Variants in PCDHA9 observed in about 807,000 individuals in gnomAD.
The protein encoded by PCDHA9 is protocadherin alpha-9.
In PCDHA9, 62 loss-of-function variants were observed where a neutral mutation model predicts 62.0. That is an observed-to-expected ratio of 1.00 (90% CI 0.81 to 1.23). PCDHA9 has a LOEUF of 1.23. Ranked by LOEUF, PCDHA9 falls within the 50% of genes most tolerant of loss-of-function variation. The pLI is 0.00. For synonymous variants in PCDHA9, 557 were observed against 567.6 expected (o/e 0.98, Z 0.27); for missense variants, 1,205 against 1,249.8 (o/e 0.96, Z 0.54).
intron 1 of PCDHA9, among the ~76,000 whole-genome samples, chr5:140,915,115 A>T (rs2076990702): frequency 1.3e-5 from 2 of 151,346 alleles, no homozygotes; most frequent in African/African-American, 4.9e-5. Context: ...CACCCACCTA[A>T]TTTTTATATT....
intron 1 of PCDHA9, among the ~76,000 whole-genome samples, chr5:140,916,018 T>C (rs550604062): frequency 6.6e-6 from 1 of 152,254 alleles, no homozygotes; most frequent in East Asian, 1.9e-4. Flanking sequence ...ACAAAGTCTT[T>C]CCCATTCTTC....
chr5:140,985,084 T>A (rs2097135513), intron 3 of PCDHA9, among the ~76,000 whole-genome samples: 1 of 151,986 alleles, frequency 6.6e-6, no homozygotes. Context: ...ACTACAGGCG[T>A]GTGCCACCAA....
At chr5:140,916,379 C>G (rs180755548) in intron 1 of PCDHA9, among the ~76,000 whole-genome samples, 2 of 152,302 alleles carry the variant, frequency 1.3e-5, no homozygotes, top group Admixed American at 6.5e-5. Context: ...GTAGCCACCA[C>G]AACTAGGAAT....
At chr5:140,897,009 A>G (rs550757061) in intron 1 of PCDHA9, among the ~76,000 whole-genome samples, 6 of 152,292 alleles carry the variant, frequency 3.9e-5, no homozygotes, top group African/African-American at 9.6e-5. Context: ...ATTTTTAAAT[A>G]TACAACTAAA....
At chr5:140,876,814 G>T (rs571648883) in intron 1 of PCDHA9, 1 of 1,614,226 alleles carries the variant, frequency 6.2e-7, no homozygotes, top group Non-Finnish European at 8.5e-7. Context: ...GGTGGCCGAC[G>T]TGAACGACAA....
At chr5:140,876,662 T>C in intron 1 of PCDHA9, 1 of 1,614,232 alleles carries the variant, frequency 6.2e-7, no homozygotes, top group Non-Finnish European at 8.5e-7. Flanking sequence ...CCCTTCAAGC[T>C]GGTGTCCACC....
At chr5:140,985,491 G>C (rs1288786153) in intron 3 of PCDHA9, among the ~76,000 whole-genome samples, 3 of 152,166 alleles carry the variant, frequency 2.0e-5, no homozygotes, top group African/African-American at 7.2e-5. Flanking sequence ...GACTCAAATA[G>C]AGCCTGCCTT....
At chr5:140,978,896 G>T in intron 1 of PCDHA9, 53 bp from the exon 2 acceptor site, 1 of 1,612,808 alleles carries the variant, frequency 6.2e-7, no homozygotes, top group South Asian at 1.1e-5. Context: ...CAGCATTCCT[G>T]GGAGAACATT....
At chr5:140,907,746 T>G (rs1240884837) in intron 1 of PCDHA9, among the ~76,000 whole-genome samples, 3 of 152,302 alleles carry the variant, frequency 2.0e-5, no homozygotes, top group African/African-American at 7.2e-5. Context: ...ATGGCCACTT[T>G]GTTCATGGGC....
rs1350835757 is a variant in PCDHA9, at chr5:141,010,856, A to G, written c.*919A>G. Reference sequence around the variant, plus strand: ...CATAGATTTATTTAAAAAAAGAGAAAGTCTATAGCTATAAATCTTTAAAGA... The same window carrying G: ...CATAGATTTATTTAAAAAAAGAGAAGGTCTATAGCTATAAATCTTTAAAGA... On this transcript the variant is annotated 3_prime_UTR_variant, in exon 4 of 4. Coordinates refer to ENST00000532602, the MANE Select transcript of PCDHA9 (RefSeq NM_031857.2). The G allele has an allele frequency of 1.3e-5, 2 of 153,800 alleles. No homozygotes were observed. Among genetic ancestry groups the G allele is most frequent in the African/African-American group, 2.4e-5 (1 of 41,464 alleles). The allele number at this position is 153,800 out of a possible 1,614,324, so 9.5% of individuals were successfully genotyped here. A position where few individuals can be genotyped will look rare whatever the true frequency, so the allele number is the denominator to read the frequency against.
chr5:140,854,169 A>AAAAAG, intron 1 of PCDHA9: 1 of 675,122 alleles, frequency 1.5e-6, no homozygotes, highest in South Asian at 6.4e-5. Flanking sequence ...CAAAAAAAAA[A>AAAAAG]AAAAAAAGAG....
chr5:140,889,329 T>C (rs1554183865), intron 1 of PCDHA9, among the ~76,000 whole-genome samples: 2 of 152,090 alleles, frequency 1.3e-5, no homozygotes, highest in Admixed American at 6.5e-5. Context: ...GTATCAGGAT[T>C]TTGATTGGTG....
At position 140,982,439 on chromosome 5, in the gene PCDHA9, G is replaced by A. The variant is rs553328430; in HGVS notation, c.2454-36G>A. The A allele has an allele frequency of 6.8e-5, 109 of 1,613,560 alleles. 3 individuals carry two copies. In the South Asian group the frequency reaches 1.0e-3, roughly 15 times the overall value. On this transcript the variant is annotated intron_variant, in intron 2 of 3. Transcript: ENST00000532602. ...GAAGAAGAGATGGGAAAGAATTTAT[G>A]ATCTAACCGTTATCTGGGTCTGTGT... is the stretch of plus-strand genomic sequence containing the variant.
intron 1 of PCDHA9, among the ~76,000 whole-genome samples, chr5:140,907,242 T>A (rs532344223): frequency 6.6e-6 from 1 of 152,328 alleles, no homozygotes; most frequent in African/African-American, 2.4e-5. Flanking sequence ...TAGTTGACAT[T>A]GTAATTGTGA....
At chr5:141,007,306 T>C (rs1050571899) in intron 3 of PCDHA9, among the ~76,000 whole-genome samples, 8 of 151,500 alleles carry the variant, frequency 5.3e-5, no homozygotes, top group Admixed American at 3.3e-4. Context: ...ATCTTAGCAT[T>C]TTGGGAGGCT....
intron 1 of PCDHA9, among the ~76,000 whole-genome samples, chr5:140,945,574 G>C (rs2153670366): frequency 6.6e-6 from 1 of 151,978 alleles, no homozygotes; most frequent in Middle Eastern, 3.4e-3. Context: ...ATACTACCTG[G>C]CTTCAAAATA....
At chr5:140,857,712 T>C (rs781941638) in intron 1 of PCDHA9, 3 of 1,597,298 alleles carry the variant, frequency 1.9e-6, no homozygotes, top group Admixed American at 1.7e-5. Context: ...GTGTTCGTGC[T>C]GGACGAGAAC....
intron 1 of PCDHA9, chr5:140,969,111 G>A (rs1554231464): frequency 4.3e-6 from 7 of 1,614,116 alleles, no homozygotes; most frequent in Non-Finnish European, 5.9e-6. Flanking sequence ...ATTGAAGTTC[G>A]AGGGAATGGC....
intron 1 of PCDHA9, chr5:140,870,136 A>G: frequency 6.2e-7 from 1 of 1,614,024 alleles, no homozygotes; most frequent in Non-Finnish European, 8.5e-7. Flanking sequence ...CACCAACGAT[A>G]ACTCTCCTGA....
Sources: allele counts gnomAD v4.1 joint callset (sites outside exome capture counted in the v4.1 genomes callset), GRCh38; gene constraint gnomAD v4.1.1; transcripts MANE v1.5; gene names NCBI Gene and HGNC (gene_info 2026-07-23, HGNC 2026-07-21).